The following PTPRZ1 variants were observed in gnomAD, a reference collection of about 807,000 sequenced individuals.
PTPRZ1 encodes receptor-type tyrosine-protein phosphatase zeta.
Under a neutral mutation model 214.1 loss-of-function variants are expected in PTPRZ1, and 82 were observed. The ratio of observed to expected loss-of-function variants is 0.38; its 90% CI spans 0.32 to 0.46. PTPRZ1 has a LOEUF of 0.46. PTPRZ1 is among the 20% of genes least tolerant of loss of function. PTPRZ1 has a pLI of 1.00. For missense variants in PTPRZ1, 2,603 were observed against 2,748.7 expected (o/e 0.95, Z 1.19); for synonymous variants, 945 against 987.9 (o/e 0.96, Z 0.81).
chr7:122,055,621 G>C (rs1192024806), intron 27 of PTPRZ1, among the ~76,000 whole-genome samples: 2 of 151,646 alleles, frequency 1.3e-5, no homozygotes, highest in Non-Finnish European at 3.0e-5. Context: ...TAAAGTCTTG[G>C]TTATCTATTA....
intron 1 of PTPRZ1, among the ~76,000 whole-genome samples, chr7:121,914,326 C>T (rs1055747336): frequency 3.3e-5 from 5 of 152,020 alleles, no homozygotes; most frequent in South Asian, 2.1e-4. Flanking sequence ...GTAGAAGTAA[C>T]GTTTTAGCAT....
intron 2 of PTPRZ1, among the ~76,000 whole-genome samples, chr7:121,942,866 C>G (rs1004063435): frequency 2.0e-5 from 3 of 152,094 alleles, no homozygotes. Flanking sequence ...TAATTTTAAG[C>G]AATTAAACAG....
At chr7:121,973,274 T>A (rs1233175823) in intron 4 of PTPRZ1, among the ~76,000 whole-genome samples, 2 of 152,130 alleles carry the variant, frequency 1.3e-5, no homozygotes, top group Non-Finnish European at 2.9e-5. Context: ...TTAAATACAT[T>A]ATGATGGATA....
intron 15 of PTPRZ1, chr7:122,033,738 C>A (rs1469415897): frequency 4.3e-6 from 1 of 230,658 alleles, no homozygotes; most frequent in Non-Finnish European, 8.3e-6. Flanking sequence ...AATAGTGCTA[C>A]TATGGTCAAA....
Position 122,013,304 on chromosome 7 carries a change from G to A in PTPRZ1, c.4258G>A (p.Asp1420Asn), listed in dbSNP as rs978544125. ...TTTAGTGGGTGGTGGTGAAGATGGT[G>A]ACACTGATGATGATGGTGATGATGA... ...AGLVGGGEDG[D>N]TDDDGDDDDD... The change falls in exon 12 of 30, where the codon GAC (aspartate) becomes AAC (asparagine). Residue 1420 changes from aspartate to asparagine, a missense_variant. By Grantham distance (23) the Asp-to-Asn change is conservative (BLOSUM62 1). Around this residue, in one of 6 missense-constraint regions of PTPRZ1, gnomAD observed 1,913 missense variants for 1,914.3 expected, o/e 1.00. Coordinates refer to ENST00000393386, the MANE Select transcript of PTPRZ1 (RefSeq NM_002851.3). 3.3e-5 allele frequency: 52 copies of A among 1,596,910 alleles called. No homozygotes were observed. The highest frequency in any genetic ancestry group is 4.3e-5 in the Non-Finnish European group (51 of 1,174,680).
At chr7:121,937,596 A>C (rs1796123024) in intron 2 of PTPRZ1, among the ~76,000 whole-genome samples, 1 of 152,182 alleles carries the variant, frequency 6.6e-6, no homozygotes, top group Non-Finnish European at 1.5e-5. Flanking sequence ...GCCGAGGTGC[A>C]TGTGGTGCAG....
chr7:121,976,266 G>A lies in PTPRZ1; in HGVS notation c.550G>A (p.Glu184Lys), dbSNP rs145928149. 39 of 1,582,170 alleles carry A rather than the reference G, an allele frequency of 2.5e-5. No individual in the cohort carries two copies. In the African/African-American group the frequency reaches 4.8e-4, roughly 20 times the overall value. The change falls in exon 5 of 30, where the codon GAG becomes AAG. Residue 184 changes from glutamate to lysine, a missense_variant and splice_region_variant. Glu to Lys is a moderately conservative substitution (Grantham distance 56). Transcript: ENST00000393386. Reference protein sequence around the residue: ...GKLRALSILFEVGTEENLDFK... With the variant: ...GKLRALSILFKVGTEENLDFK... ...GTTAAGAGCTTTATCCATTTTGTTT[G>A]AGGTAATATATATACACTTTACACT...
intron 12 of PTPRZ1, among the ~76,000 whole-genome samples, chr7:122,017,761 G>A (rs1584747162): frequency 1.3e-5 from 2 of 151,402 alleles, no homozygotes; most frequent in African/African-American, 4.9e-5. Context: ...TAGTAGAGAT[G>A]GGGTTTCACC....
chr7:122,050,610 G>T (rs777201007), intron 23 of PTPRZ1, among the ~76,000 whole-genome samples: 9 of 152,062 alleles, frequency 5.9e-5, no homozygotes, highest in Non-Finnish European at 1.2e-4. Context: ...ATCTCTGTGT[G>T]ATTAAAGAAA....
At position 122,012,932 on chromosome 7, in the gene PTPRZ1, G is replaced by A; in HGVS notation, c.3886G>A (p.Ala1296Thr). The A allele has an allele frequency of 6.2e-7, 1 of 1,614,100 alleles. No individual in the cohort carries two copies. Among genetic ancestry groups the A allele is most frequent in the Non-Finnish European group, 8.5e-7 (1 of 1,179,976 alleles). The stretch of plus-strand genomic sequence containing the variant: ...CAGTAATGATGAGTTGTTCCAAACG[G>A]CCAATTTGGAGATTAACCAGGCCCA... ...LYSNDELFQT[A>T]NLEINQAHPP... Residue 1296 changes from alanine to threonine, a missense_variant, in exon 12 of 30, where the codon GCC (alanine) becomes ACC (threonine). Coordinates refer to ENST00000393386, the MANE Select transcript of PTPRZ1 (RefSeq NM_002851.3).
intron 8 of PTPRZ1, among the ~76,000 whole-genome samples, chr7:121,993,858 A>C (rs1215229342): frequency 6.6e-6 from 1 of 152,098 alleles, no homozygotes; most frequent in Non-Finnish European, 1.5e-5. Flanking sequence ...TGTTTTTTTC[A>C]CCATAAGAGC....
At chr7:121,957,310 T>C (rs1584681202) in intron 2 of PTPRZ1, among the ~76,000 whole-genome samples, 2 of 151,992 alleles carry the variant, frequency 1.3e-5, no homozygotes, top group East Asian at 3.9e-4. Flanking sequence ...TCAGCCTTTC[T>C]CTTGGGCATG....
At chr7:122,034,643 A>G (rs1428084111) in intron 17 of PTPRZ1, among the ~76,000 whole-genome samples, 1 of 152,110 alleles carries the variant, frequency 6.6e-6, no homozygotes, top group African/African-American at 2.4e-5. Flanking sequence ...TTTCTTTCAT[A>G]GACTGTTCAT....
chr7:121,884,120 T>A (rs2116178438), intron 1 of PTPRZ1, among the ~76,000 whole-genome samples: 1 of 152,258 alleles, frequency 6.6e-6, no homozygotes, highest in African/African-American at 2.4e-5. Flanking sequence ...GTGCTATATA[T>A]GAGTTGAATG....
In PTPRZ1 at chr7:121,912,055, A is replaced by G. The variant is rs150557594; in HGVS notation, c.59-16101A>G. Among the ~76,000 whole-genome samples, 412 of 152,294 alleles carry G rather than the reference A, an allele frequency of 2.7e-3. 1 individual carries two copies. Among genetic ancestry groups the G allele is most frequent in the African/African-American group, 9.5e-3 (396 of 41,578 alleles). On this transcript the variant is annotated intron_variant, in intron 1 of 29. Coordinates refer to ENST00000393386, the MANE Select transcript of PTPRZ1 (RefSeq NM_002851.3). ...AAGCATTTTCCAGTGTATGAAACTA[A>G]GATTCTTTTATCCATAAGGGACTAA... is the stretch of plus-strand genomic sequence containing the variant.
At chr7:121,911,987 A>G (rs1263749081) in intron 1 of PTPRZ1, among the ~76,000 whole-genome samples, 2 of 152,034 alleles carry the variant, frequency 1.3e-5, no homozygotes, top group Non-Finnish European at 2.9e-5. Flanking sequence ...TGAAAACAGA[A>G]GTGTCTGTTT....
Position 122,011,488 on chromosome 7 carries a change from T to C in PTPRZ1, c.2442T>C (p.Tyr814=), listed in dbSNP as rs1798663134. ...CATTTGAATCCATCCTGTCTTCCTA[T>C]GATGGTGCACCTTTGCTTCCATTTT... ...DVSFESILSS[Y]DGAPLLPFSS... Residue 814 remains tyrosine, a synonymous_variant, in exon 12 of 30, where the codon TAT becomes TAC. Coordinates refer to ENST00000393386, the MANE Select transcript of PTPRZ1 (RefSeq NM_002851.3). 1 of 1,613,964 alleles carries C rather than the reference T, an allele frequency of 6.2e-7. No homozygotes were observed. Among genetic ancestry groups the C allele is most frequent in the South Asian group, 1.1e-5 (1 of 91,080 alleles).
chr7:121,908,727 A>G (rs755844928), intron 1 of PTPRZ1: 15 of 483,694 alleles, frequency 3.1e-5, no homozygotes, highest in East Asian at 5.6e-5. Context: ...AATGTTTTCA[A>G]TAAGTACATT....
chr7:121,889,659 A>T (rs1171812223), intron 1 of PTPRZ1, among the ~76,000 whole-genome samples: 1 of 152,060 alleles, frequency 6.6e-6, no homozygotes, highest in Non-Finnish European at 1.5e-5. Flanking sequence ...TGCCTGCTAA[A>T]CTTTTGGGAA....
Sources: gnomAD v4.1 joint callset for allele counts (sites outside exome capture counted in the v4.1 genomes callset) on GRCh38, gnomAD v4.1.1 for gene constraint, gnomAD v4.1.1 regional missense constraint, MANE v1.5 for transcripts, NCBI Gene and HGNC (gene_info 2026-07-23, HGNC 2026-07-21) for gene names.